LRRC4C: variants seen among roughly 807,000 people sequenced by gnomAD.
LRRC4C encodes the protein leucine-rich repeat-containing protein 4C.
A neutral mutation model predicts 33.6 loss-of-function variants in LRRC4C; 5 were observed. That is an observed-to-expected ratio of 0.15 (90% CI 0.08 to 0.31). The LOEUF is 0.31. Ranked by LOEUF, LRRC4C falls within the 10% of genes least tolerant of loss-of-function variation. LRRC4C has a pLI of 1.00. For missense variants in LRRC4C, 560 were observed against 796.7 expected, an observed-to-expected ratio of 0.70 and a Z score of 3.58; for synonymous variants, 329 against 302.0, an observed-to-expected ratio of 1.09 and a Z score of -0.93.
At chr11:41,198,791 G>A (rs1189898750) in intron 1 of LRRC4C, among the ~76,000 whole-genome samples, 2 of 152,156 alleles carry the variant, frequency 1.3e-5, no homozygotes, top group East Asian at 3.9e-4. Context: ...ATAACCAGAA[G>A]ACAAACATGT....
At chr11:40,755,073 A>G (rs1028989200) in intron 2 of LRRC4C, among the ~76,000 whole-genome samples, 2 of 152,122 alleles carry the variant, frequency 1.3e-5, no homozygotes, top group African/African-American at 2.4e-5. Context: ...AAATATTGTC[A>G]AAGAGTTTAT....
chr11:40,942,400 G>A (rs549144225), intron 1 of LRRC4C, among the ~76,000 whole-genome samples: 18 of 152,296 alleles, frequency 1.2e-4, no homozygotes, highest in Middle Eastern at 3.4e-3. Flanking sequence ...CAGAACTTTA[G>A]AAAGTGCTGC....
At chr11:40,700,952 C>T (rs1178463817) in intron 2 of LRRC4C, among the ~76,000 whole-genome samples, 1 of 152,164 alleles carries the variant, frequency 6.6e-6, no homozygotes, top group Non-Finnish European at 1.5e-5. Flanking sequence ...TCACTCCCCT[C>T]AAAGAAACTG....
intron 2 of LRRC4C, among the ~76,000 whole-genome samples, chr11:40,774,640 A>G (rs1043195183): frequency 2.0e-5 from 3 of 152,194 alleles, no homozygotes; most frequent in Non-Finnish European, 4.4e-5. Flanking sequence ...CATCAAAACC[A>G]TAAGCAGGTA....
At chr11:40,660,360 C>A (rs1603212) in intron 2 of LRRC4C, among the ~76,000 whole-genome samples, 23,430 of 152,170 alleles carry the variant, frequency 0.15, 1,865 homozygotes, top group Non-Finnish European at 0.18. Context: ...GCAGAATAAC[C>A]CCAGCAGGCC....
intron 3 of LRRC4C, among the ~76,000 whole-genome samples, chr11:40,417,811 T>C (rs769803206): frequency 1.6e-4 from 25 of 152,218 alleles, no homozygotes; most frequent in Non-Finnish European, 2.6e-4. Context: ...TTTCAGGAAA[T>C]AGCAAGACTC....
At chr11:40,881,295 A>C (rs560224082) in intron 2 of LRRC4C, among the ~76,000 whole-genome samples, 4 of 152,174 alleles carry the variant, frequency 2.6e-5, no homozygotes, top group African/African-American at 9.6e-5. Context: ...GTCCAACAGC[A>C]TACATTTTTT....
At chr11:41,453,951 A>G (rs1399912914) in intron 1 of LRRC4C, among the ~76,000 whole-genome samples, 1 of 151,800 alleles carries the variant, frequency 6.6e-6, no homozygotes, top group Non-Finnish European at 1.5e-5. Context: ...TTCCTTTCTA[A>G]CTCTCCTAGA....
At chr11:40,480,888 A>AGAT (rs1237671939) in intron 3 of LRRC4C, among the ~76,000 whole-genome samples, 2 of 152,172 alleles carry the variant, frequency 1.3e-5, no homozygotes, top group East Asian at 3.9e-4. Flanking sequence ...AGGCAAACTC[A>AGAT]TAGAAGCAGA....
intron 2 of LRRC4C, among the ~76,000 whole-genome samples, chr11:40,883,563 A>T (rs565860619): frequency 3.3e-5 from 5 of 151,956 alleles, no homozygotes; most frequent in African/African-American, 1.2e-4. Flanking sequence ...ACTCAAATAA[A>T]CTCTCACCAA....
chr11:40,122,209 T>C (rs968938), intron 6 of LRRC4C, among the ~76,000 whole-genome samples: 89,562 of 151,994 alleles, frequency 0.59, 28,243 homozygotes, highest in Non-Finnish European at 0.71. Flanking sequence ...GTTTCTACAT[T>C]GAAAAACCTT....
intron 3 of LRRC4C, among the ~76,000 whole-genome samples, chr11:40,603,473 T>C (rs1960233853): frequency 6.6e-6 from 1 of 152,164 alleles, no homozygotes; most frequent in Non-Finnish European, 1.5e-5. Context: ...GGAATGCTAA[T>C]ATAGAAAATC....
intron 5 of LRRC4C, among the ~76,000 whole-genome samples, chr11:40,175,141 A>G (rs969949547): frequency 2.0e-5 from 3 of 152,252 alleles, no homozygotes; most frequent in Admixed American, 6.5e-5. Context: ...GAGTACTAAC[A>G]TCACGAAGCA....
rs532500864 is a variant in LRRC4C, at chr11:41,088,967, T to C, written c.-495-155244A>G. 2.0e-5 allele frequency among the ~76,000 whole-genome samples: 3 copies of C among 152,218 alleles called. No homozygotes were observed. In the South Asian group the frequency reaches 6.2e-4, roughly 32 times the overall value. The stretch of plus-strand genomic sequence containing the variant: ...AGAGATACATAATATTCCCAAGCTA[T>C]GTTCAATCAGGCTACTTACCAAAAC... On this transcript the variant is annotated intron_variant, in intron 1 of 6. Coordinates refer to ENST00000528697, the MANE Select transcript of LRRC4C (RefSeq NM_001258419.2).
chr11:41,014,656 G>C (rs1361745331), intron 1 of LRRC4C, among the ~76,000 whole-genome samples: 4 of 152,066 alleles, frequency 2.6e-5, no homozygotes, highest in African/African-American at 9.7e-5. Context: ...CCTTCTAGAT[G>C]AAGGGACTAT....
intron 3 of LRRC4C, among the ~76,000 whole-genome samples, chr11:40,355,972 TAGTAC>T (rs752197138): frequency 0.14 from 6,949 of 49,806 alleles, 195 homozygotes; most frequent in African/African-American, 0.15. Context: ...TAGTATAGTA[TAGTAC>T]AGTATAGTAT....
chr11:40,714,823 T>C (rs992083787), intron 2 of LRRC4C, among the ~76,000 whole-genome samples: 2 of 152,206 alleles, frequency 1.3e-5, no homozygotes, highest in African/African-American at 4.8e-5. Flanking sequence ...ATTTTTCTGG[T>C]GGCAAATGTT....
At chr11:41,184,219 T>G (rs1945585194) in intron 1 of LRRC4C, among the ~76,000 whole-genome samples, 1 of 152,154 alleles carries the variant, frequency 6.6e-6, no homozygotes, top group African/African-American at 2.4e-5. Context: ...TTACGCAAAT[T>G]TCTGCAGCCA....
chr11:40,744,849 A>G (rs1312912983), intron 2 of LRRC4C, among the ~76,000 whole-genome samples: 1 of 149,992 alleles, frequency 6.7e-6, no homozygotes, highest in Non-Finnish European at 1.5e-5. Flanking sequence ...GTTTAAGTTA[A>G]CTTAACTTAA....
Sources: allele counts gnomAD v4.1 joint callset (sites outside exome capture counted in the v4.1 genomes callset), GRCh38; gene constraint gnomAD v4.1.1; transcripts MANE v1.5; gene names NCBI Gene and HGNC (gene_info 2026-07-23, HGNC 2026-07-21).